Variants in PCNX2 observed in about 807,000 individuals in gnomAD.
PCNX2 encodes the protein pecanex-like protein 2.
A neutral mutation model predicts 223.8 loss-of-function variants in PCNX2; 168 were observed. The ratio of observed to expected loss-of-function variants is 0.75; its 90% confidence interval spans 0.66 to 0.85. The LOEUF (loss-of-function observed/expected upper bound fraction) is 0.85. Ranked by LOEUF, PCNX2 falls within the 40% of genes least tolerant of loss-of-function variation. PCNX2 has a pLI of 0.00. For missense variants in PCNX2, 2,507 were observed against 2,675.5 expected, an observed-to-expected ratio of 0.94 and a Z score of 1.39; for synonymous variants, 1,006 against 1,052.6, an observed-to-expected ratio of 0.96 and a Z score of 0.86.
chr1:233,136,188 A>G (rs1273764051), intron 20 of PCNX2, among the ~76,000 whole-genome samples: 2 of 152,184 alleles, frequency 1.3e-5, no homozygotes, highest in African/African-American at 4.8e-5. Flanking sequence ...ACATGCTATG[A>G]TATTTGGCAA....
chr1:233,229,759 C>T (rs1050163885), intron 9 of PCNX2, among the ~76,000 whole-genome samples: 1 of 151,694 alleles, frequency 6.6e-6, no homozygotes, highest in African/African-American at 2.4e-5. Context: ...AAGATTCCAG[C>T]ATACTGTGCT....
intron 32 of PCNX2, among the ~76,000 whole-genome samples, chr1:232,989,411 G>A (rs1222313545): frequency 6.6e-6 from 1 of 151,772 alleles, no homozygotes; most frequent in African/African-American, 2.4e-5. Context: ...CCGAGATAGC[G>A]CCACTGCCGT....
chr1:233,144,072 T>TGAAG (rs1289607720), intron 19 of PCNX2, among the ~76,000 whole-genome samples: 1 of 152,086 alleles, frequency 6.6e-6, no homozygotes, highest in African/African-American at 2.4e-5. Flanking sequence ...TCCCAGCTAC[T>TGAAG]TGGGAGGCTG....
intron 19 of PCNX2, among the ~76,000 whole-genome samples, chr1:233,156,588 G>A (rs551535487): frequency 6.6e-6 from 1 of 152,210 alleles, no homozygotes; most frequent in African/African-American, 2.4e-5. Flanking sequence ...TCAGGTTTAG[G>A]TGGTCGGGGC....
intron 12 of PCNX2, chr1:233,210,624 T>A (rs188199493): frequency 1.0e-6 from 1 of 985,282 alleles, no homozygotes; most frequent in Non-Finnish European, 1.2e-6. Context: ...GTTAATAAAA[T>A]GTCCCTGCTC....
At chr1:233,178,504 T>C (rs1558313835) in intron 16 of PCNX2, among the ~76,000 whole-genome samples, 1 of 152,266 alleles carries the variant, frequency 6.6e-6, no homozygotes, top group Non-Finnish European at 1.5e-5. Context: ...GGGAAGATTG[T>C]AATGTATACT....
At chr1:232,986,730 G>C (rs1669503536) in intron 32 of PCNX2, among the ~76,000 whole-genome samples, 190 bp from the exon 33 acceptor site, 1 of 152,162 alleles carries the variant, frequency 6.6e-6, no homozygotes. Context: ...TCCAGGTCCT[G>C]AGAACCAAAG....
the PCNX2 span, among the ~76,000 whole-genome samples, chr1:233,307,266 G>A: frequency 6.6e-6 from 1 of 152,144 alleles, no homozygotes; most frequent in Admixed American, 6.6e-5. Context: ...TGTGGTGGGA[G>A]GTCTTTAGGT....
chr1:233,030,851 TA>T (rs2102842306), intron 25 of PCNX2, among the ~76,000 whole-genome samples: 1 of 152,368 alleles, frequency 6.6e-6, no homozygotes, highest in Admixed American at 6.5e-5. Flanking sequence ...AAGAGCAGGT[TA>T]GTATCCATCT....
At chr1:233,193,496 T>C (rs907960491) in intron 15 of PCNX2, among the ~76,000 whole-genome samples, 2 of 152,170 alleles carry the variant, frequency 1.3e-5, no homozygotes, top group African/African-American at 4.8e-5. Context: ...GAAAGAATTC[T>C]ACAAAAATTC....
At chr1:233,325,502 CA>C in the PCNX2 span, among the ~76,000 whole-genome samples, 17 of 138,126 alleles carry the variant, frequency 1.2e-4, no homozygotes, top group South Asian at 2.3e-4. Flanking sequence ...ACTAAAAATA[CA>C]AAAAAAAAAA....
chr1:233,091,732 C>CA (rs11335249), intron 22 of PCNX2, among the ~76,000 whole-genome samples: 52,918 of 108,812 alleles, frequency 0.49, 12,632 homozygotes, highest in Non-Finnish European at 0.54. Context: ...GACCCTCCCT[C>CA]AAAAAAAAAA....
chr1:233,301,850 G>A, the PCNX2 span, among the ~76,000 whole-genome samples: 1 of 148,582 alleles, frequency 6.7e-6, no homozygotes, highest in African/African-American at 2.5e-5. Flanking sequence ...AGAATGCAGT[G>A]GTGCAATCTC....
chr1:233,262,255 C>T (rs1335748886), intron 2 of PCNX2, 90 bp from the exon 3 acceptor site: 1 of 1,500,658 alleles, frequency 6.7e-7, no homozygotes, highest in African/African-American at 1.4e-5. Context: ...ACTTTTTTTC[C>T]TAGAGTCCAT....
chr1:233,102,294 G>A (rs574192713), intron 21 of PCNX2, among the ~76,000 whole-genome samples: 1 of 152,196 alleles, frequency 6.6e-6, no homozygotes, highest in South Asian at 2.1e-4. Context: ...TGGGGACTGA[G>A]GTTGATTCCA....
Position 233,234,307 on chromosome 1 carries a change from A to T in PCNX2, c.2358+2538T>A, listed in dbSNP as rs1658256119. ...AATAGTAGAACTACATTATTTTCCC[A>T]GTATGAGACTTTGTAAATATTTTCT... On this transcript the variant is annotated intron_variant, in intron 9 of 33. Transcript: ENST00000258229. Among the ~76,000 whole-genome samples the T allele has an allele frequency of 1.3e-5, 2 of 152,228 alleles. 1 individual carries two copies. The highest frequency in any genetic ancestry group is 4.1e-4 in the South Asian group (2 of 4,834).
rs1462428975 is a variant in PCNX2 at position 232,990,968 on chromosome 1, G to T, written c.5792-4428C>A. 1.3e-5 allele frequency among the ~76,000 whole-genome samples: 2 copies of T among 152,224 alleles called. No individual in the cohort carries two copies. Among genetic ancestry groups the T allele is most frequent in the African/African-American group, 2.4e-5 (1 of 41,454 alleles). On this transcript the variant is annotated intron_variant, in intron 32 of 33. Coordinates refer to ENST00000258229, the MANE Select transcript of PCNX2 (RefSeq NM_014801.4). This position sits in a 1 kb window ranked among gnomAD's most constrained non-coding sequence, Gnocchi z 4.3. Reference sequence around the variant, plus strand: ...CCTGGCAGGATGTGGGGAGAGTGGGGAAGAGGGTGGTGTGGTCTTCACATG... The same window carrying T: ...CCTGGCAGGATGTGGGGAGAGTGGGTAAGAGGGTGGTGTGGTCTTCACATG...
chr1:233,241,184 C>T (rs944449584), intron 8 of PCNX2: 21 of 985,200 alleles, frequency 2.1e-5, no homozygotes, highest in African/African-American at 1.7e-5. Flanking sequence ...TTTTATGTGA[C>T]AGTAAAATTT....
chr1:233,086,838 G>A (rs1054854208), intron 23 of PCNX2: 2 of 171,886 alleles, frequency 1.2e-5, no homozygotes, highest in African/African-American at 4.8e-5. Flanking sequence ...GGACAGTGCT[G>A]GTCTACATGG....
Sources: gnomAD v4.1 joint callset for allele counts (sites outside exome capture counted in the v4.1 genomes callset) on GRCh38, gnomAD v4.1.1 for gene constraint, Gnocchi (gnomAD v3.1) non-coding constraint, MANE v1.5 for transcripts, NCBI Gene and HGNC (gene_info 2026-07-23, HGNC 2026-07-21) for gene names.